TDRD12: variants seen among roughly 807,000 people sequenced by gnomAD.
TDRD12 encodes the protein putative ATP-dependent RNA helicase TDRD12.
A neutral mutation model predicts 133.5 loss-of-function variants in TDRD12; 158 were observed. The ratio of observed to expected loss-of-function variants is 1.18; its 90% CI spans 1.04 to 1.35. TDRD12 has a LOEUF of 1.35. Among genes scored for constraint, TDRD12 ranks in the 40% most tolerant of loss-of-function variants. The pLI, the probability that TDRD12 is intolerant of heterozygous loss-of-function variation, is 0.00. For synonymous variants in TDRD12, 460 were observed against 477.9 expected (o/e 0.96, Z 0.49); for missense variants, 1,443 against 1,321.3 (o/e 1.09, Z -1.43).
intron 4 of TDRD12, among the ~76,000 whole-genome samples, chr19:32,746,737 T>C (rs1468841807): frequency 3.4e-5 from 5 of 147,700 alleles, no homozygotes; most frequent in African/African-American, 5.1e-5. Context: ...ATGTGGTTAT[T>C]CTGTGTGTGA....
At chr19:32,793,793 CT>C (rs766973591) in intron 13 of TDRD12, among the ~76,000 whole-genome samples, 3,650 of 116,058 alleles carry the variant, frequency 0.031, 59 homozygotes, top group Non-Finnish European at 0.045. Flanking sequence ...AAGCAAGAAT[CT>C]TTTTTTTTTT....
chr19:32,793,038 T>A (rs968091910), intron 13 of TDRD12, among the ~76,000 whole-genome samples: 2 of 152,004 alleles, frequency 1.3e-5, no homozygotes, highest in Non-Finnish European at 2.9e-5. Flanking sequence ...TACAAAAAAT[T>A]AGCTGGGTGT....
In TDRD12 at chr19:32,738,996, T is replaced by C. The variant is rs562205473; in HGVS notation, c.320+4T>C. On this transcript the variant is annotated splice_donor_region_variant and intron_variant, in intron 3 of 27. Transcript: ENST00000444215. ...ACATTCCAGTCAAATCTAAAAAGTA[T>C]GTACATGTTTATCTCACCTTACGCT... 1.1e-4 allele frequency: 171 copies of C among 1,550,188 alleles called. 1 individual carries two copies. The highest frequency in any genetic ancestry group is 1.1e-3 in the South Asian group (90 of 83,970).
At chr19:32,818,928 C>G (rs1285601527) in intron 27 of TDRD12, among the ~76,000 whole-genome samples, 1 of 151,322 alleles carries the variant, frequency 6.6e-6, no homozygotes, top group African/African-American at 2.5e-5. Context: ...GGGTTAGTGG[C>G]CTGCTGGACT....
At chr19:32,780,057 C>T (rs529104460) in intron 11 of TDRD12, among the ~76,000 whole-genome samples, 2 of 151,324 alleles carry the variant, frequency 1.3e-5, no homozygotes, top group African/African-American at 4.9e-5. Flanking sequence ...GAAAATTCTC[C>T]GAATATGCCC....
chr19:32,762,704 A>G (rs1208254965), intron 8 of TDRD12, among the ~76,000 whole-genome samples: 1 of 152,140 alleles, frequency 6.6e-6, no homozygotes, highest in Non-Finnish European at 1.5e-5. Context: ...TTAGTTGGAG[A>G]TGAAAGAATG....
downstream of TDRD12, among the ~76,000 whole-genome samples, chr19:32,823,446 A>G (rs1967474642): frequency 6.6e-6 from 1 of 152,112 alleles, no homozygotes; most frequent in East Asian, 1.9e-4. Context: ...GTTTAGACGC[A>G]TTTCATTATT....
At chr19:32,822,300 C>T (rs550226340), downstream of TDRD12, among the ~76,000 whole-genome samples, 23 of 152,024 alleles carry the variant, frequency 1.5e-4, no homozygotes, top group Admixed American at 3.3e-4. Flanking sequence ...GCTGTGGTGG[C>T]GCACGCCTGT....
intron 8 of TDRD12, among the ~76,000 whole-genome samples, chr19:32,771,587 CTT>C (rs78756152): frequency 2.4e-4 from 35 of 143,540 alleles, no homozygotes; most frequent in Non-Finnish European, 2.8e-4. Flanking sequence ...TCCCAATCTC[CTT>C]TTTTTTTTTT....
At chr19:32,719,989 C>A (rs1037110650) in exon 1 of TDRD12, 19 of 1,497,790 alleles carry the variant, frequency 1.3e-5, no homozygotes, top group Non-Finnish European at 1.6e-5. Context: ...GGGGGCCTGG[C>A]CGGGGCGGAC....
At chr19:32,778,175 G>A (rs1451748675) in intron 11 of TDRD12, among the ~76,000 whole-genome samples, 1 of 151,940 alleles carries the variant, frequency 6.6e-6, no homozygotes, top group Non-Finnish European at 1.5e-5. Context: ...CCAGGGTGTG[G>A]ACTCTGCAGC....
chr19:32,817,993 A>G (rs1967240660), intron 26 of TDRD12, 96 bp from the exon 27 acceptor site: 1 of 667,606 alleles, frequency 1.5e-6, no homozygotes, highest in Non-Finnish European at 2.7e-6. Context: ...AAGTGTTTTT[A>G]CCCATGCACT....
chr19:32,754,592 T>C (rs1356154416), intron 6 of TDRD12, among the ~76,000 whole-genome samples: 1 of 151,148 alleles, frequency 6.6e-6, no homozygotes, highest in African/African-American at 2.4e-5. Context: ...AAATTCTCTA[T>C]AAACTTGCTT....
rs1251834939 is a variant in TDRD12 at position 32,790,590 on chromosome 19, AG to A, written c.1182+1del. ...GCTGACGGAATCTCTGATCTCCAGC[AG>A]GTATTACAGGCCCTAAAAAAAGTAA... On this transcript the variant is annotated frameshift_variant and splice_region_variant, in exon 12 of 28. Coordinates refer to ENST00000444215, the Ensembl canonical transcript of TDRD12. LOFTEE classifies it high-confidence loss of function. The A allele has an allele frequency of 6.4e-7, 1 of 1,551,936 alleles. No individual in the cohort carries two copies. The highest frequency in any genetic ancestry group is 8.7e-7 in the Non-Finnish European group (1 of 1,147,054).
downstream of TDRD12, among the ~76,000 whole-genome samples, chr19:32,822,740 C>CG (rs1414906302): frequency 8.6e-6 from 1 of 116,632 alleles, no homozygotes; most frequent in Non-Finnish European, 1.8e-5. Flanking sequence ...GAGCGAGACT[C>CG]CATCTCAAAA....
chr19:32,751,105 C>G (rs547523137), intron 6 of TDRD12, among the ~76,000 whole-genome samples: 1 of 145,778 alleles, frequency 6.9e-6, no homozygotes, highest in African/African-American at 2.5e-5. Flanking sequence ...TCTCCCTCCC[C>G]CCTCCCCACC....
intron 4 of TDRD12, among the ~76,000 whole-genome samples, chr19:32,745,073 C>A (rs566254767): frequency 1.8e-4 from 27 of 152,306 alleles, no homozygotes; most frequent in South Asian, 6.2e-4. Flanking sequence ...TCCAGCCAGC[C>A]CCCCCCACTA....
At chr19:32,743,192 C>T (rs1011813376) in intron 4 of TDRD12, among the ~76,000 whole-genome samples, 8 of 152,234 alleles carry the variant, frequency 5.3e-5, no homozygotes, top group African/African-American at 1.7e-4. Flanking sequence ...CATGTGTACA[C>T]GCGCACGCGC....
chr19:32,752,947 C>G lies in TDRD12; in HGVS notation c.583-3045C>G, dbSNP rs1372530439. 2.6e-5 allele frequency among the ~76,000 whole-genome samples: 4 copies of G among 151,966 alleles called. No homozygotes were observed. In the East Asian group the frequency reaches 7.8e-4, roughly 29 times the overall value. The stretch of plus-strand genomic sequence containing the variant: ...AGCTGGGACTACAGGCACCCGCCAC[C>G]ACGCCTGGCTAATTTTTTGTATATT... On this transcript the variant is annotated intron_variant, in intron 6 of 27. Transcript: ENST00000444215.
Sources: gnomAD v4.1 joint callset for allele counts (sites outside exome capture counted in the v4.1 genomes callset) on GRCh38, gnomAD v4.1.1 for gene constraint, MANE v1.5 for transcripts, NCBI Gene and HGNC (gene_info 2026-07-23, HGNC 2026-07-21) for gene names.